Variants in NAV2 observed in about 807,000 individuals in gnomAD.
NAV2 encodes helicase, APC down-regulated 1.
Under a neutral mutation model 223.2 loss-of-function variants are expected in NAV2, and 54 were observed. The ratio of observed to expected loss-of-function variants is 0.24; its 90% confidence interval spans 0.19 to 0.30. The LOEUF (loss-of-function observed/expected upper bound fraction) is 0.30, where lower values mean the gene tolerates loss of function less well. Among genes scored for constraint, NAV2 ranks in the 10% least tolerant of loss-of-function variants. The probability of loss-of-function intolerance (pLI) is 1.00; values close to 1 mark genes in which losing one functional copy is unlikely to be tolerated. For synonymous variants in NAV2, 1,279 were observed against 1,239.3 expected (o/e 1.03, Z -0.67); for missense variants, 2,806 against 3,147.5 (o/e 0.89, Z 2.60).
At chr11:19,722,640 A>G (rs1279523802) in intron 1 of NAV2, among the ~76,000 whole-genome samples, 1 of 152,220 alleles carries the variant, frequency 6.6e-6, no homozygotes, top group Non-Finnish European at 1.5e-5. Context: ...GGATCTATAC[A>G]TAATAAGTTT....
chr11:19,543,567 CG>C (rs1410616017), intron 1 of NAV2, among the ~76,000 whole-genome samples: 2 of 152,184 alleles, frequency 1.3e-5, no homozygotes, highest in Admixed American at 6.5e-5. Flanking sequence ...GATTAAAAAA[CG>C]TTCAATTTGG....
intron 11 of NAV2, among the ~76,000 whole-genome samples, chr11:20,008,196 A>G (rs556661673): frequency 6.6e-6 from 1 of 152,064 alleles, no homozygotes; most frequent in South Asian, 2.1e-4. Context: ...GTGAAACCCC[A>G]TCTCTACTAA....
At chr11:19,886,201 C>T (rs1478723947) in intron 5 of NAV2, among the ~76,000 whole-genome samples, 2 of 151,516 alleles carry the variant, frequency 1.3e-5, no homozygotes, top group African/African-American at 4.9e-5. Context: ...TGGTCTCCAA[C>T]TCCTGGGCTC....
intron 12 of NAV2, among the ~76,000 whole-genome samples, chr11:20,037,091 T>C (rs1051651247): frequency 1.3e-5 from 2 of 152,172 alleles, no homozygotes; most frequent in Admixed American, 6.5e-5. Context: ...CCAGCTGTGG[T>C]GGCATTGGCG....
In NAV2 at chr11:19,798,860, A is replaced by T. The variant is rs1290632419; in HGVS notation, c.268-33624A>T. On this transcript the variant is annotated intron_variant, in intron 1 of 37. Coordinates refer to ENST00000349880, the MANE Select transcript of NAV2 (RefSeq NM_145117.5). ...GTTTTCCTGGCAATGCCTGACTTCG[A>T]CCTATGAATCTATGGACTCTTGGAA... Among the ~76,000 whole-genome samples the T allele has an allele frequency of 2.6e-5, 4 of 152,190 alleles. 1 individual carries two copies. Among genetic ancestry groups the T allele is most frequent in the Non-Finnish European group, 5.9e-5 (4 of 68,032 alleles).
intron 19 of NAV2, chr11:20,056,507 T>C: frequency 1.3e-6 from 2 of 1,548,482 alleles, no homozygotes; most frequent in Non-Finnish European, 1.8e-6. Context: ...GTTGGATTTT[T>C]ATGTTTGGTT....
At chr11:19,677,193 C>T (rs1327922193) in intron 1 of NAV2, among the ~76,000 whole-genome samples, 1 of 152,258 alleles carries the variant, frequency 6.6e-6, no homozygotes, top group Admixed American at 6.5e-5. Context: ...CAAAGAGTCT[C>T]CCCATATGCC....
chr11:19,921,898 C>T (rs954753994), intron 6 of NAV2, among the ~76,000 whole-genome samples: 3 of 152,174 alleles, frequency 2.0e-5, no homozygotes, highest in African/African-American at 7.2e-5. Context: ...TGTTATCCTT[C>T]TTAACATGTG....
Position 19,939,685 on chromosome 11 carries a change from T to G in NAV2, c.2058T>G (p.Asn686Lys), listed in dbSNP as rs1400029276. 6.2e-7 allele frequency: 1 copy of G among 1,614,016 alleles called. No individual in the cohort carries two copies. The highest frequency in any genetic ancestry group is 8.5e-7 in the Non-Finnish European group (1 of 1,180,016). The part of the protein sequence containing the change: ...LYRSQTDTEG[N>K]VTAESSSTGV... ...GGTCTCAGACGGACACTGAAGGGAA[T>G]GTTACTGCCGAGTCAAGCTCAACAG... Residue 686 changes from asparagine (N) to lysine (K), a missense_variant, in exon 8 of 38, where the codon AAT (asparagine) becomes AAG (lysine). Around this residue, in one of 4 missense-constraint regions of NAV2, gnomAD observed 1,167 missense variants for 1,180.5 expected, o/e 0.99. Transcript: ENST00000349880.
intron 6 of NAV2, among the ~76,000 whole-genome samples, chr11:19,917,798 C>T (rs995069736): frequency 3.3e-5 from 5 of 152,114 alleles, no homozygotes; most frequent in African/African-American, 1.2e-4. Context: ...TTTTAGTAGA[C>T]ACAGGGTTTC....
chr11:19,634,658 C>A (rs1200818839), intron 1 of NAV2, among the ~76,000 whole-genome samples: 1 of 152,186 alleles, frequency 6.6e-6, no homozygotes, highest in African/African-American at 2.4e-5. Flanking sequence ...TAGAGGTGAG[C>A]AAATACAGCC....
chr11:19,995,531 C>T (rs185622133), intron 11 of NAV2, among the ~76,000 whole-genome samples: 28 of 152,248 alleles, frequency 1.8e-4, no homozygotes, highest in African/African-American at 6.3e-4. Flanking sequence ...TAATGCACTT[C>T]GAGGTGTTTG....
At chr11:19,532,365 A>G (rs1212096936) in intron 1 of NAV2, among the ~76,000 whole-genome samples, 1 of 152,216 alleles carries the variant, frequency 6.6e-6, no homozygotes, top group African/African-American at 2.4e-5. Context: ...ATATGCAAGT[A>G]TAATGTCTAC....
intron 8 of NAV2, among the ~76,000 whole-genome samples, chr11:19,940,637 A>T (rs1750905883): frequency 6.6e-6 from 1 of 152,216 alleles, no homozygotes; most frequent in East Asian, 1.9e-4. Context: ...CCATTTATTG[A>T]ACTGAATATC....
At chr11:19,724,078 G>A (rs1173038074) in intron 1 of NAV2, among the ~76,000 whole-genome samples, 1 of 152,176 alleles carries the variant, frequency 6.6e-6, no homozygotes, top group Non-Finnish European at 1.5e-5. Flanking sequence ...AGAGACTTAG[G>A]ACATCTGAGC....
At chr11:19,512,553 CTG>C (rs1263744495) in intron 1 of NAV2, among the ~76,000 whole-genome samples, 3 of 152,180 alleles carry the variant, frequency 2.0e-5, no homozygotes, top group Non-Finnish European at 4.4e-5. Context: ...CACAAGGTAA[CTG>C]TTCTGCATTC....
intron 6 of NAV2, among the ~76,000 whole-genome samples, chr11:19,924,118 T>C (rs2044513923): frequency 6.6e-6 from 1 of 152,092 alleles, no homozygotes; most frequent in South Asian, 2.1e-4. Context: ...TTATTCTCTT[T>C]TTAAGGTGTT....
chr11:19,454,071 G>C (rs1382226613), intron 1 of NAV2, among the ~76,000 whole-genome samples: 3 of 152,156 alleles, frequency 2.0e-5, no homozygotes, highest in Non-Finnish European at 4.4e-5. Context: ...AATGGTTACC[G>C]GGCTCTGAGT....
intron 28 of NAV2, among the ~76,000 whole-genome samples, chr11:20,092,719 A>G (rs931457794): frequency 7.2e-5 from 11 of 152,202 alleles, no homozygotes; most frequent in African/African-American, 1.4e-4. Flanking sequence ...GGCTTGGTCT[A>G]TGATCTTCCT....
Sources: allele counts gnomAD v4.1 joint callset (sites outside exome capture counted in the v4.1 genomes callset), GRCh38; gene constraint gnomAD v4.1.1; regional missense constraint gnomAD v4.1.1; transcripts MANE v1.5; gene names NCBI Gene and HGNC (gene_info 2026-07-23, HGNC 2026-07-21).